The following PACS2 variants were observed in gnomAD, a reference collection of about 807,000 sequenced individuals.
PACS2 encodes the protein PACS1-like protein.
In PACS2, 36 loss-of-function variants were observed where a neutral mutation model predicts 113.0. That is an observed-to-expected ratio of 0.32 (90% CI 0.24 to 0.42). PACS2 has a LOEUF of 0.42. PACS2 is among the 10% of genes least tolerant of loss of function. PACS2 has a pLI of 1.00. For missense variants in PACS2, 1,015 were observed against 1,239.5 expected, an observed-to-expected ratio of 0.82 and a Z score of 2.72; for synonymous variants, 589 against 536.1, an observed-to-expected ratio of 1.10 and a Z score of -1.36.
chr14:105,350,731 G>A (rs372882873), intron 2 of PACS2, among the ~76,000 whole-genome samples: 7 of 152,332 alleles, frequency 4.6e-5, no homozygotes, highest in South Asian at 2.1e-4. Flanking sequence ...TCCTTTTCCC[G>A]ACACAGCTGG....
chr14:105,303,097 T>G (rs1013754854), intron 1 of PACS2, among the ~76,000 whole-genome samples: 4 of 151,940 alleles, frequency 2.6e-5, no homozygotes, highest in Non-Finnish European at 4.4e-5. Context: ...CCCAGCTAAT[T>G]TTTGTATTTT....
rs587618706 is a variant in PACS2 at position 105,348,521 on chromosome 14, G to A, written c.148G>A (p.Val50Met). 4 of 1,612,532 alleles carry A rather than the reference G, an allele frequency of 2.5e-6. No homozygotes were observed. The South Asian group carries it at 4.4e-5, about 18-fold the overall frequency. Residue 50 changes from valine to methionine, a missense_variant, in exon 2 of 25, where the codon GTG becomes ATG. Transcript: ENST00000447393. This position sits in a 1 kb window ranked among gnomAD's most constrained non-coding sequence, Gnocchi z 6.4. ...GTGCAGCCTGACTCTGAAGAAGCTG[G>A]TGGTCTTCAAGGAGCTGGAGAAGGA... ...RLCSLTLKKL[V>M]VFKELEKELI...
chr14:105,350,253 C>T (rs2060118449), intron 2 of PACS2, among the ~76,000 whole-genome samples: 1 of 152,108 alleles, frequency 6.6e-6, no homozygotes, highest in African/African-American at 2.4e-5. Flanking sequence ...GGGCAGGGGT[C>T]AGGGTCTCAT....
chr14:105,389,661 C>A, intron 19 of PACS2: 1 of 446,962 alleles, frequency 2.2e-6, no homozygotes, highest in East Asian at 3.8e-5. Context: ...GTGAATCCCT[C>A]CGTGGAGCTG....
chr14:105,383,693 A>G (rs1335300264), intron 16 of PACS2, 180 bp downstream of exon 16: 2 of 584,114 alleles, frequency 3.4e-6, no homozygotes, highest in Non-Finnish European at 6.0e-6. Flanking sequence ...TTGTTTTTAA[A>G]TGTTTGTTTG....
Position 105,367,256 on chromosome 14 carries a change from G to A in PACS2, c.467G>A (p.Cys156Tyr). 6.2e-7 allele frequency: 1 copy of A among 1,613,144 alleles called. No individual in the cohort carries two copies. The highest frequency in any genetic ancestry group is 8.5e-7 in the Non-Finnish European group (1 of 1,179,962). Reference protein sequence around the residue: ...PSEGGQVLSLCSSIKEAPVKA... With the variant: ...PSEGGQVLSLYSSIKEAPVKA... The stretch of plus-strand genomic sequence containing the variant: ...GAAGGTGGCCAGGTGCTGAGCCTCT[G>A]CAGCAGCATCAAGGAGGCCCCCGTC... Residue 156 changes from cysteine (C) to tyrosine (Y), a missense_variant, in exon 5 of 25, where the codon TGC becomes TAC. Physicochemically the swap from Cys to Tyr is radical, Grantham distance 194. This residue lies in a region of PACS2 where 859 missense variants were observed against 1,056.8 expected (regional missense o/e 0.81). Transcript: ENST00000447393.
intron 4 of PACS2, among the ~76,000 whole-genome samples, chr14:105,362,937 A>G (rs1333688440): frequency 6.6e-6 from 1 of 152,216 alleles, no homozygotes; most frequent in African/African-American, 2.4e-5. Flanking sequence ...TGAAAACAAC[A>G]TTCGTCTCCT....
At chr14:105,345,233 C>T (rs1297955815) in intron 1 of PACS2, among the ~76,000 whole-genome samples, 1 of 151,988 alleles carries the variant, frequency 6.6e-6, no homozygotes, top group Non-Finnish European at 1.5e-5. Context: ...CGGTGAAACC[C>T]CGTCTCCACT....
chr14:105,310,661 G>T (rs1221628820), upstream of PACS2, among the ~76,000 whole-genome samples: 1 of 152,198 alleles, frequency 6.6e-6, no homozygotes, highest in Non-Finnish European at 1.5e-5. Context: ...TTCAGGACGG[G>T]GCGCAGCCCC....
chr14:105,318,778 C>A (rs587612406), intron 1 of PACS2, among the ~76,000 whole-genome samples: 174 of 152,028 alleles, frequency 1.1e-3, no homozygotes, highest in African/African-American at 4.1e-3. Flanking sequence ...CCTGCCTCAG[C>A]CTCCCGAGTA....
intron 1 of PACS2, among the ~76,000 whole-genome samples, chr14:105,306,364 C>G (rs1490294473): frequency 1.3e-5 from 2 of 152,028 alleles, no homozygotes; most frequent in African/African-American, 2.4e-5. Context: ...AGTGCAGCGG[C>G]GCCATCTCGA....
chr14:105,381,124 G>A (rs782023849), intron 12 of PACS2, 25 bp downstream of exon 12: 19 of 1,598,830 alleles, frequency 1.2e-5, no homozygotes, highest in African/African-American at 4.0e-5. Flanking sequence ...ACGGCGGGGC[G>A]GGGCGGTGAT....
chr14:105,391,270 G>C lies in PACS2; in HGVS notation c.2119+21G>C, dbSNP rs782327529. ...ATCAGGTAACCCCGTCCCACCCTGA[G>C]GCCTTGTGAGTGGCCCGTGGGTGGG... On this transcript the variant is annotated intron_variant, in intron 21 of 24. Transcript: ENST00000447393. 8 of 1,598,784 alleles carry C rather than the reference G, an allele frequency of 5.0e-6. No homozygotes were observed. In the South Asian group the frequency reaches 7.7e-5, roughly 15 times the overall value.
At chr14:105,345,369 C>T (rs1005694207) in intron 1 of PACS2, among the ~76,000 whole-genome samples, 4 of 149,846 alleles carry the variant, frequency 2.7e-5, no homozygotes, top group East Asian at 2.0e-4. Context: ...ATCACGCCAC[C>T]GCACTCCAGC....
rs2060476709 is a variant in PACS2, at chr14:105,356,971, C to T, written c.423+1794C>T. 1.3e-5 allele frequency among the ~76,000 whole-genome samples: 2 copies of T among 151,262 alleles called. No individual in the cohort carries two copies. Among genetic ancestry groups the T allele is most frequent in the East Asian group, 2.0e-4 (1 of 5,126 alleles). On this transcript the variant is annotated intron_variant, in intron 4 of 24. Transcript: ENST00000447393. This position sits in a 1 kb window ranked among gnomAD's most constrained non-coding sequence, Gnocchi z 4.0. The stretch of plus-strand genomic sequence containing the variant: ...TGCCGGTCCCTGTGTTTCCCATTAG[C>T]CATGCAGGCGATGTCCTGCTGATCC...
chr14:105,320,363 ATATT>A (rs587633148), intron 1 of PACS2, among the ~76,000 whole-genome samples: 122 of 151,738 alleles, frequency 8.0e-4, no homozygotes, highest in African/African-American at 2.7e-3. Context: ...TGGTGGATAT[ATATT>A]TATTTATGTA....
rs1256146961 is a variant in PACS2, at chr14:105,314,875, C to G, written c.-44C>G. The G allele has an allele frequency of 1.5e-5, 14 of 918,156 alleles. No homozygotes were observed. The highest frequency in any genetic ancestry group is 4.9e-5 in the South Asian group (1 of 20,372). 56.9% of individuals were successfully genotyped at this position (918,156 alleles called of 1,614,324 possible). On this transcript the variant is annotated 5_prime_UTR_variant, in exon 1 of 25. Coordinates refer to ENST00000447393, the MANE Select transcript of PACS2 (RefSeq NM_001100913.3). ...GCCCGCCCGCCGCGCGTCCGCGGCC[C>G]GGCCGCAGCCCCAGGCCGCCGAGGG...
intron 2 of PACS2, among the ~76,000 whole-genome samples, chr14:105,349,249 G>A (rs1433910869): frequency 1.3e-5 from 2 of 152,246 alleles, no homozygotes; most frequent in African/African-American, 4.8e-5. Context: ...GGTTCCAGGT[G>A]TGTGGCCTGT....
At position 105,340,999 on chromosome 14, in the gene PACS2, G is replaced by A. The variant is rs1444040443; in HGVS notation, c.120-7494G>A. Among the ~76,000 whole-genome samples the A allele has an allele frequency of 6.6e-6, 1 of 152,256 alleles. No individual in the cohort carries two copies. The stretch of plus-strand genomic sequence containing the variant: ...CTCGCTACCAAGGGGTGGGGGGCTG[G>A]AGAACGGAGCTTGGAGACAGCTGGC... On this transcript the variant is annotated intron_variant, in intron 1 of 24. Transcript: ENST00000447393. This position sits in a 1 kb window ranked among gnomAD's most constrained non-coding sequence, Gnocchi z 4.2.
Sources: allele counts gnomAD v4.1 joint callset (sites outside exome capture counted in the v4.1 genomes callset), GRCh38; gene constraint gnomAD v4.1.1; regional missense constraint gnomAD v4.1.1; non-coding constraint Gnocchi (gnomAD v3.1); transcripts MANE v1.5; gene names NCBI Gene and HGNC (gene_info 2026-07-23, HGNC 2026-07-21).